The following NRG3 variants were observed in gnomAD, a reference collection of about 807,000 sequenced individuals.
The protein encoded by NRG3 is pro-neuregulin-3, membrane-bound isoform.
Under a neutral mutation model 66.9 loss-of-function variants are expected in NRG3, and 31 were observed. The observed-to-expected ratio is 0.46, with a 90% confidence interval of 0.35 to 0.63. NRG3 has a LOEUF of 0.63. Among genes scored for constraint, NRG3 ranks in the 20% least tolerant of loss-of-function variants. The pLI, the probability that NRG3 is intolerant of heterozygous loss-of-function variation, is 0.00. For synonymous variants in NRG3, 393 were observed against 359.4 expected, an observed-to-expected ratio of 1.09 and a Z score of -1.06; for missense variants, 910 against 878.9, an observed-to-expected ratio of 1.04 and a Z score of -0.45.
intron 1 of NRG3, among the ~76,000 whole-genome samples, chr10:82,099,883 T>G (rs1238685174): frequency 6.6e-6 from 1 of 151,360 alleles, no homozygotes; most frequent in African/African-American, 2.4e-5. Context: ...GCTTGGAAGT[T>G]TGATGGGGGA....
chr10:82,475,537 T>A (rs1195237652), intron 2 of NRG3, among the ~76,000 whole-genome samples: 1 of 152,080 alleles, frequency 6.6e-6, no homozygotes, highest in East Asian at 1.9e-4. Context: ...AGAAGTAAAC[T>A]TTTACATATA....
At position 82,933,102 on chromosome 10, in the gene NRG3, G is replaced by A. The variant is rs547564179; in HGVS notation, c.1055-18367G>A. Among the ~76,000 whole-genome samples the A allele has an allele frequency of 1.8e-3, 279 of 152,242 alleles. 3 individuals carry two copies. The highest frequency in any genetic ancestry group is 6.2e-3 in the African/African-American group (257 of 41,544). ...AGCAGCAAATTTTCTCAGATTTTGA[G>A]CTCCTTGAAAGCTGAGCAGCATAGG... On this transcript the variant is annotated intron_variant, in intron 4 of 8. Coordinates refer to ENST00000372141, the MANE Select transcript of NRG3 (RefSeq NM_001010848.4).
At chr10:82,308,356 T>C (rs1176934882) in intron 1 of NRG3, among the ~76,000 whole-genome samples, 1 of 152,148 alleles carries the variant, frequency 6.6e-6, no homozygotes, top group Non-Finnish European at 1.5e-5. Flanking sequence ...CTCAAAGTGC[T>C]GGGATTACAG....
chr10:82,941,408 A>T (rs1175921864), intron 4 of NRG3, among the ~76,000 whole-genome samples: 1 of 152,176 alleles, frequency 6.6e-6, no homozygotes, highest in African/African-American at 2.4e-5. Flanking sequence ...GCATATCCTG[A>T]TTTCTAAACA....
At chr10:82,305,476 A>G (rs1194197878) in intron 1 of NRG3, among the ~76,000 whole-genome samples, 1 of 152,170 alleles carries the variant, frequency 6.6e-6, no homozygotes, top group Non-Finnish European at 1.5e-5. Context: ...TAAGATATAC[A>G]TGTTAACTTA....
At chr10:82,024,592 A>G (rs995620493) in intron 1 of NRG3, among the ~76,000 whole-genome samples, 3 of 152,000 alleles carry the variant, frequency 2.0e-5, no homozygotes, top group African/African-American at 7.2e-5. Context: ...GGGTTAACCG[A>G]GATAATAAAG....
At chr10:82,772,968 G>A (rs954166355) in intron 3 of NRG3, among the ~76,000 whole-genome samples, 2 of 151,990 alleles carry the variant, frequency 1.3e-5, no homozygotes, top group African/African-American at 2.4e-5. Flanking sequence ...GCTTCCTGAA[G>A]TTCTGGGATT....
intron 1 of NRG3, among the ~76,000 whole-genome samples, chr10:82,323,478 G>A (rs1589720293): frequency 6.7e-6 from 1 of 150,256 alleles, no homozygotes; most frequent in African/African-American, 2.5e-5. Context: ...ACTTGGCCAT[G>A]ACATATTATC....
intron 6 of NRG3, among the ~76,000 whole-genome samples, chr10:82,971,553 C>A (rs1206068705): frequency 6.6e-6 from 1 of 151,704 alleles, no homozygotes; most frequent in African/African-American, 2.4e-5. Flanking sequence ...TCTCCTGCCT[C>A]AGCCTCCTGA....
intron 1 of NRG3, among the ~76,000 whole-genome samples, chr10:82,183,488 T>A (rs1179176012): frequency 6.6e-6 from 1 of 152,078 alleles, no homozygotes; most frequent in Non-Finnish European, 1.5e-5. Flanking sequence ...CAAACTTTGT[T>A]TTGCTTTTTA....
intron 3 of NRG3, among the ~76,000 whole-genome samples, chr10:82,818,330 A>G (rs1257686947): frequency 1.3e-5 from 2 of 152,070 alleles, no homozygotes; most frequent in African/African-American, 4.8e-5. Context: ...TGGTTTGGGA[A>G]ACAAGCCCTG....
At chr10:82,955,033 G>C (rs535210944) in intron 5 of NRG3, among the ~76,000 whole-genome samples, 3 of 151,858 alleles carry the variant, frequency 2.0e-5, no homozygotes, top group Non-Finnish European at 4.4e-5. Context: ...ACCTCCATTC[G>C]ATACACTGGG....
intron 1 of NRG3, among the ~76,000 whole-genome samples, chr10:82,181,195 G>A (rs989605657): frequency 6.6e-6 from 1 of 151,352 alleles, no homozygotes; most frequent in Non-Finnish European, 1.5e-5. Context: ...TATCTTTTCA[G>A]AAAACAGCTA....
At chr10:82,795,410 T>G (rs1032113881) in intron 3 of NRG3, among the ~76,000 whole-genome samples, 8 of 152,210 alleles carry the variant, frequency 5.3e-5, no homozygotes, top group African/African-American at 1.9e-4. Flanking sequence ...TCATTTGGAT[T>G]TTATTCCTTA....
At chr10:82,501,037 A>C (rs371248625) in intron 2 of NRG3, among the ~76,000 whole-genome samples, 9 of 152,142 alleles carry the variant, frequency 5.9e-5, no homozygotes, top group African/African-American at 1.7e-4. Flanking sequence ...TAATAAATTT[A>C]ATTTGAACAT....
At chr10:82,286,619 G>T (rs945917839) in intron 1 of NRG3, among the ~76,000 whole-genome samples, 1 of 151,910 alleles carries the variant, frequency 6.6e-6, no homozygotes, top group South Asian at 2.1e-4. Flanking sequence ...ATGGAGTCTC[G>T]CTCTGTCACC....
intron 5 of NRG3, among the ~76,000 whole-genome samples, chr10:82,952,643 T>G (rs1434557118): frequency 6.6e-6 from 1 of 151,710 alleles, no homozygotes; most frequent in Non-Finnish European, 1.5e-5. Flanking sequence ...TTTGCACAGA[T>G]TTGGTTCCTA....
At chr10:82,386,213 A>G (rs1217839088) in intron 2 of NRG3, among the ~76,000 whole-genome samples, 1 of 152,206 alleles carries the variant, frequency 6.6e-6, no homozygotes, top group Admixed American at 6.5e-5. Context: ...ATAACTGTGC[A>G]AGTATTGAAA....
chr10:82,959,450 C>A (rs1048407853), intron 6 of NRG3, among the ~76,000 whole-genome samples: 1 of 152,054 alleles, frequency 6.6e-6, no homozygotes, highest in African/African-American at 2.4e-5. Context: ...AACACAAAAA[C>A]CCCCAGAATC....
Sources: gnomAD v4.1 joint callset for allele counts (sites outside exome capture counted in the v4.1 genomes callset) on GRCh38, gnomAD v4.1.1 for gene constraint, MANE v1.5 for transcripts, NCBI Gene and HGNC (gene_info 2026-07-23, HGNC 2026-07-21) for gene names.